MYO5A: variants seen among roughly 807,000 people sequenced by gnomAD.
MYO5A encodes the protein unconventional myosin-Va.
In MYO5A, 98 loss-of-function variants were observed where a neutral mutation model predicts 249.7. That is an observed-to-expected ratio of 0.39 (90% CI 0.33 to 0.46). MYO5A has a LOEUF of 0.46. Ranked by LOEUF, MYO5A falls within the 20% of genes least tolerant of loss-of-function variation. MYO5A has a pLI of 0.98. For missense variants in MYO5A, 1,696 were observed against 2,308.8 expected (o/e 0.73, Z 5.44); for synonymous variants, 778 against 810.6 (o/e 0.96, Z 0.68).
intron 1 of MYO5A, among the ~76,000 whole-genome samples, chr15:52,461,752 G>A (rs186151583): frequency 6.6e-6 from 1 of 152,060 alleles, no homozygotes; most frequent in Admixed American, 6.6e-5. Context: ...CGCGAGGTGA[G>A]GAGTTTGAGA....
At chr15:52,349,784 T>C (rs1041658633) in intron 28 of MYO5A, among the ~76,000 whole-genome samples, 2 of 152,136 alleles carry the variant, frequency 1.3e-5, no homozygotes, top group African/African-American at 4.8e-5. Flanking sequence ...TCAAGCTAGA[T>C]TGCAAGCCTT....
At chr15:52,501,698 A>G (rs556464381) in intron 1 of MYO5A, among the ~76,000 whole-genome samples, 31 of 152,288 alleles carry the variant, frequency 2.0e-4, no homozygotes, top group South Asian at 8.3e-4. Context: ...ATTATAAAAG[A>G]ATGTATGTTG....
rs1432906496 is a variant in MYO5A at position 52,379,701 on chromosome 15, C to T, written c.2132G>A (p.Arg711His). Residue 711 changes from arginine (R) to histidine (H), a missense_variant, in exon 18 of 42, where the codon CGT (arginine) becomes CAT (histidine). Physicochemically the swap from Arg to His is conservative, Grantham distance 29. Transcript: ENST00000399233. ...CACATCTTTCTGCTTCATTAGGACA[C>T]GGTAGCGGCTGAAAAATTCTTGGTA... ...WTYQEFFSRYRVLMKQKDVLS... is the reference protein window; with the variant it reads ...WTYQEFFSRYHVLMKQKDVLS... The T allele has an allele frequency of 2.5e-6, 4 of 1,614,064 alleles. No individual in the cohort carries two copies. The highest frequency in any genetic ancestry group is 2.2e-5 in the East Asian group (1 of 44,906).
At position 52,313,867 on chromosome 15, in the gene MYO5A, AAAAT is replaced by A. The variant is rs765263691; in HGVS notation, c.5491-23_5491-20del. 6.2e-7 allele frequency: 1 copy of A among 1,613,402 alleles called. No individual in the cohort carries two copies. The highest frequency in any genetic ancestry group is 8.5e-7 in the Non-Finnish European group (1 of 1,179,658). On this transcript the variant is annotated intron_variant, in intron 41 of 41. Coordinates refer to ENST00000399233, the MANE Select transcript of MYO5A (RefSeq NM_001382347.1). ...AACGCATCTGAGAAGATTAGGAAAA[AAAAT>A]AAACAGAGCATCAGTTCTTTGAATC...
intron 1 of MYO5A, among the ~76,000 whole-genome samples, chr15:52,438,290 G>A (rs968744047): frequency 1.3e-5 from 2 of 152,182 alleles, no homozygotes; most frequent in African/African-American, 4.8e-5. Flanking sequence ...AGGCAGGCAA[G>A]AAGACAAGGC....
intron 2 of MYO5A, among the ~76,000 whole-genome samples, 194 bp from the exon 3 acceptor site, chr15:52,428,763 AC>A (rs1310339712): frequency 1.3e-5 from 2 of 152,206 alleles, no homozygotes; most frequent in Non-Finnish European, 2.9e-5. Context: ...AGACATACCA[AC>A]CTGTATTAAC....
intron 24 of MYO5A, among the ~76,000 whole-genome samples, chr15:52,363,944 A>G (rs1392887181): frequency 6.6e-6 from 1 of 152,222 alleles, no homozygotes; most frequent in Non-Finnish European, 1.5e-5. Flanking sequence ...AATATATAAA[A>G]CAAAGTCCAA....
intron 1 of MYO5A, among the ~76,000 whole-genome samples, chr15:52,494,424 A>G (rs2076997551): frequency 6.6e-6 from 1 of 152,192 alleles, no homozygotes; most frequent in Admixed American, 6.5e-5. Flanking sequence ...CAAATATACT[A>G]TAGTATTTAG....
intron 34 of MYO5A, 151 bp from the exon 35 acceptor site, chr15:52,330,650 T>A: frequency 1.1e-6 from 1 of 933,780 alleles, no homozygotes; most frequent in South Asian, 1.7e-5. Flanking sequence ...AATTTTTTTC[T>A]GTTAAAATTG....
intron 1 of MYO5A, among the ~76,000 whole-genome samples, chr15:52,516,355 A>G (rs2077495519): frequency 6.6e-6 from 1 of 152,230 alleles, no homozygotes. Flanking sequence ...ATTTACTGCC[A>G]TGGAACCACA....
Position 52,402,321 on chromosome 15 carries a change from T to C in MYO5A, c.1053+2966A>G, listed in dbSNP as rs181319953. Reference sequence around the variant, plus strand: ...CACCAAAGTGTGGGTCAGGTTAAGTTTTCTTTATACTCTTGGAGTGGGTGG... The same window carrying C: ...CACCAAAGTGTGGGTCAGGTTAAGTCTTCTTTATACTCTTGGAGTGGGTGG... On this transcript the variant is annotated intron_variant, in intron 9 of 41. Coordinates refer to ENST00000399233, the MANE Select transcript of MYO5A (RefSeq NM_001382347.1). Among the ~76,000 whole-genome samples, 37 of 152,224 alleles carry C rather than the reference T, an allele frequency of 2.4e-4. No individual in the cohort carries two copies. In the East Asian group the frequency reaches 5.4e-3, roughly 22 times the overall value.
chr15:52,515,911 A>G (rs1396306784), intron 1 of MYO5A, among the ~76,000 whole-genome samples: 1 of 152,222 alleles, frequency 6.6e-6, no homozygotes, highest in African/African-American at 2.4e-5. Flanking sequence ...GCTTAAGAAG[A>G]TGAGAAAGCA....
intron 1 of MYO5A, among the ~76,000 whole-genome samples, chr15:52,457,278 C>CA (rs1415537545): frequency 6.6e-6 from 1 of 151,954 alleles, no homozygotes; most frequent in African/African-American, 2.4e-5. Flanking sequence ...CCTATCTCTA[C>CA]AAAAAATACA....
At chr15:52,494,758 G>T (rs1353742661) in intron 1 of MYO5A, among the ~76,000 whole-genome samples, 1 of 152,170 alleles carries the variant, frequency 6.6e-6, no homozygotes, top group Non-Finnish European at 1.5e-5. Flanking sequence ...CTCCCAAAGT[G>T]CTGGGAATAC....
chr15:52,500,000 C>A (rs527262459), intron 1 of MYO5A, among the ~76,000 whole-genome samples: 1 of 152,152 alleles, frequency 6.6e-6, no homozygotes, highest in Non-Finnish European at 1.5e-5. Flanking sequence ...TTACAGTGAG[C>A]TACAATCACC....
At chr15:52,473,450 T>C (rs1256549687) in intron 1 of MYO5A, among the ~76,000 whole-genome samples, 1 of 152,238 alleles carries the variant, frequency 6.6e-6, no homozygotes, top group Non-Finnish European at 1.5e-5. Context: ...TTTGGTGTTT[T>C]AGACGTGAAG....
intron 25 of MYO5A, among the ~76,000 whole-genome samples, chr15:52,357,534 T>C (rs1374561448): frequency 6.6e-6 from 1 of 151,750 alleles, no homozygotes; most frequent in African/African-American, 2.4e-5. Flanking sequence ...AGTTGATTGC[T>C]GGACAAGAGC....
intron 1 of MYO5A, among the ~76,000 whole-genome samples, chr15:52,448,948 C>T (rs371193745): frequency 2.3e-3 from 178 of 78,516 alleles, no homozygotes; most frequent in African/African-American, 2.4e-3. Flanking sequence ...TTTTTCTTTT[C>T]TTGTCTTTCT....
chr15:52,331,637 T>G, intron 34 of MYO5A: 1 of 982,034 alleles, frequency 1.0e-6, no homozygotes, highest in South Asian at 4.7e-5. Flanking sequence ...CTGGGTAATT[T>G]CCTGGGTTAG....
Sources: gnomAD v4.1 joint callset for allele counts (sites outside exome capture counted in the v4.1 genomes callset) on GRCh38, gnomAD v4.1.1 for gene constraint, MANE v1.5 for transcripts, NCBI Gene and HGNC (gene_info 2026-07-23, HGNC 2026-07-21) for gene names.